Variants in CBL observed in about 807,000 individuals in gnomAD.
CBL encodes Cbl proto-oncogene.
In CBL, 45 loss-of-function variants were observed where a neutral mutation model predicts 96.9. The ratio of observed to expected loss-of-function variants is 0.46; its 90% CI spans 0.37 to 0.60. CBL has a LOEUF of 0.60. Ranked by LOEUF, CBL falls within the 20% of genes least tolerant of loss-of-function variation. The pLI is 0.00. For synonymous variants in CBL, 420 were observed against 426.8 expected, an observed-to-expected ratio of 0.98 and a Z score of 0.20; for missense variants, 1,024 against 1,143.5, an observed-to-expected ratio of 0.90 and a Z score of 1.51.
chr11:119,294,309 C>T (rs1258976310), intron 12 of CBL, among the ~76,000 whole-genome samples: 1 of 149,376 alleles, frequency 6.7e-6, no homozygotes, highest in East Asian at 2.0e-4. Flanking sequence ...GGTGCCTGTA[C>T]TCCCAGCTAC....
intron 1 of CBL, among the ~76,000 whole-genome samples, chr11:119,213,692 G>A (rs1031885838): frequency 6.6e-6 from 1 of 152,090 alleles, no homozygotes; most frequent in African/African-American, 2.4e-5. Flanking sequence ...GAGACCAAGT[G>A]CCTATTTTTA....
intron 13 of CBL, 95 bp from the exon 14 acceptor site, chr11:119,297,289 A>T: frequency 1.0e-6 from 1 of 990,838 alleles, no homozygotes; most frequent in Non-Finnish European, 1.6e-6. Flanking sequence ...AACATTTATT[A>T]GTGATATTGG....
chr11:119,264,400 T>TCTC (rs1372069100), intron 2 of CBL, among the ~76,000 whole-genome samples: 17 of 84,436 alleles, frequency 2.0e-4, no homozygotes, highest in Admixed American at 5.5e-4. Flanking sequence ...TCTCTTCTCT[T>TCTC]CTCTTCTCTT....
chr11:119,282,578 G>C (rs1475350243), intron 9 of CBL, among the ~76,000 whole-genome samples: 1 of 152,156 alleles, frequency 6.6e-6, no homozygotes, highest in African/African-American at 2.4e-5. Flanking sequence ...TGCTTGTTAG[G>C]GAGTTGTGGG....
intron 1 of CBL, among the ~76,000 whole-genome samples, chr11:119,207,858 C>T (rs1314328139): frequency 1.3e-5 from 2 of 152,160 alleles, no homozygotes; most frequent in Non-Finnish European, 2.9e-5. Flanking sequence ...TAAAGTTCTT[C>T]ATGGGTTGCT....
chr11:119,220,572 G>C (rs1949400131), intron 1 of CBL, among the ~76,000 whole-genome samples: 1 of 152,154 alleles, frequency 6.6e-6, no homozygotes, highest in Admixed American at 6.5e-5. Context: ...GCACTCCAAT[G>C]TGGGCGACAG....
At chr11:119,286,827 C>T (rs1949987905) in intron 11 of CBL, among the ~76,000 whole-genome samples, 2 of 152,128 alleles carry the variant, frequency 1.3e-5, no homozygotes. Flanking sequence ...CTTGCCCTCA[C>T]AAAGTTTATA....
intron 2 of CBL, among the ~76,000 whole-genome samples, chr11:119,258,207 G>A (rs1411608692): frequency 3.3e-5 from 5 of 152,144 alleles, no homozygotes; most frequent in Non-Finnish European, 7.3e-5. Flanking sequence ...CAGCCTGGGC[G>A]ACAAGTGAGA....
chr11:119,269,509 AAAG>A (rs1406943290), intron 2 of CBL, among the ~76,000 whole-genome samples: 1 of 152,124 alleles, frequency 6.6e-6, no homozygotes, highest in Non-Finnish European at 1.5e-5. Flanking sequence ...CCGGCCAAAA[AAAG>A]ATTTCAATAG....
At chr11:119,290,575 T>C (rs1183195864) in intron 12 of CBL, among the ~76,000 whole-genome samples, 2 of 145,594 alleles carry the variant, frequency 1.4e-5, no homozygotes, top group Non-Finnish European at 3.0e-5. Flanking sequence ...AGCCGAGATC[T>C]TGCCACTGCA....
At position 119,273,857 on chromosome 11, in the gene CBL, C is replaced by A; in HGVS notation, c.591-11C>A. 6.2e-7 allele frequency: 1 copy of A among 1,612,894 alleles called. No homozygotes were observed. ...ATTTCACTTTATGCCTCCTCTCCAC[C>A]CCCTCCCCAGGACAATAGTCCCTTG... On this transcript the variant is annotated splice_polypyrimidine_tract_variant and intron_variant, in intron 3 of 15. Transcript: ENST00000264033.
At chr11:119,245,581 T>G (rs1045624953) in intron 2 of CBL, among the ~76,000 whole-genome samples, 6 of 151,860 alleles carry the variant, frequency 4.0e-5, no homozygotes, top group Non-Finnish European at 5.9e-5. Flanking sequence ...ATACAAAAAT[T>G]ACCCGGGCAT....
At chr11:119,209,162 T>G (rs1195928950) in intron 1 of CBL, among the ~76,000 whole-genome samples, 2 of 152,244 alleles carry the variant, frequency 1.3e-5, no homozygotes, top group Non-Finnish European at 2.9e-5. Flanking sequence ...TTGCACCATC[T>G]CTTTTACCCT....
intron 2 of CBL, among the ~76,000 whole-genome samples, chr11:119,253,208 T>G (rs1363414471): frequency 6.6e-6 from 1 of 152,120 alleles, no homozygotes; most frequent in African/African-American, 2.4e-5. Context: ...ACCCCATGAA[T>G]ATAGACAATT....
Position 119,301,412 on chromosome 11 carries a change from G to A in CBL, c.*1631G>A, listed in dbSNP as rs1784163675. 1 of 232,936 alleles carries A rather than the reference G, an allele frequency of 4.3e-6. No individual in the cohort carries two copies. The highest frequency in any genetic ancestry group is 8.5e-6 in the Non-Finnish European group (1 of 117,954). 14.4% of individuals were successfully genotyped at this position (232,936 alleles called of 1,614,324 possible). A position where few individuals can be genotyped will look rare whatever the true frequency, so the allele number is the denominator to read the frequency against. On this transcript the variant is annotated 3_prime_UTR_variant, in exon 16 of 16. Transcript: ENST00000264033. ...GTTTAGCTCACTTTCTTAGCAGTGT[G>A]TAAGCTTTCTCCATGTCAGAAGCAA...
rs186133168 is a variant in CBL, at chr11:119,229,960, A to G, written c.196-2488A>G. On this transcript the variant is annotated intron_variant, in intron 1 of 15. Transcript: ENST00000264033. ...TTATCCTAAGGAAATAATCTGATGT[A>G]TAGAAGAATGAAATATCCAAGCACG... Among the ~76,000 whole-genome samples, 18 of 152,250 alleles carry G rather than the reference A, an allele frequency of 1.2e-4. No individual in the cohort carries two copies. In the East Asian group the frequency reaches 3.1e-3, roughly 26 times the overall value.
rs915341250 is a variant in CBL, at chr11:119,306,458, AGAG to A, written c.*6681_*6683del. ...GCCCCTAAATCAGACAGGAGGCCAG[AGAG>A]GAGTATTGCTCAATGCGTGCTATGT... On this transcript the variant is annotated 3_prime_UTR_variant, in exon 16 of 16. Coordinates refer to ENST00000264033, the MANE Select transcript of CBL (RefSeq NM_005188.4). The A allele has an allele frequency of 2.0e-4, 80 of 398,212 alleles. No homozygotes were observed. The highest frequency in any genetic ancestry group is 1.6e-3 in the African/African-American group (76 of 48,510). 24.7% of individuals were successfully genotyped at this position (398,212 alleles called of 1,614,324 possible).
At chr11:119,285,890 T>C (rs1949981462) in intron 11 of CBL, among the ~76,000 whole-genome samples, 1 of 151,938 alleles carries the variant, frequency 6.6e-6, no homozygotes, top group African/African-American at 2.4e-5. Context: ...AGTAAGACCC[T>C]GTCTTGAAAA....
intron 1 of CBL, among the ~76,000 whole-genome samples, 155 bp from the exon 2 acceptor site, chr11:119,232,293 C>T (rs1378502786): frequency 3.9e-5 from 6 of 152,102 alleles, no homozygotes; most frequent in Non-Finnish European, 8.8e-5. Context: ...AAATGGTTGC[C>T]TGTGGGCAAT....
Sources: gnomAD v4.1 joint callset for allele counts (sites outside exome capture counted in the v4.1 genomes callset) on GRCh38, gnomAD v4.1.1 for gene constraint, MANE v1.5 for transcripts, NCBI Gene and HGNC (gene_info 2026-07-23, HGNC 2026-07-21) for gene names.